The following TRIM37 variants were observed in gnomAD, a reference collection of about 807,000 sequenced individuals.
TRIM37 encodes tripartite motif containing 37, also known as E3 ubiquitin-protein ligase TRIM37.
In TRIM37, 80 loss-of-function variants were observed where a neutral mutation model predicts 129.8. The ratio of observed to expected loss-of-function variants is 0.62; its 90% CI spans 0.51 to 0.74. The LOEUF (loss-of-function observed/expected upper bound fraction) is 0.74. Among genes scored for constraint, TRIM37 ranks in the 30% least tolerant of loss-of-function variants. TRIM37 has a pLI of 0.00. For missense variants in TRIM37, 1,054 were observed against 1,176.5 expected, an observed-to-expected ratio of 0.90 and a Z score of 1.52; for synonymous variants, 389 against 387.1, an observed-to-expected ratio of 1.00 and a Z score of -0.06.
intron 11 of TRIM37, 102 bp from the exon 12 acceptor site, chr17:59,061,210 C>T (rs768166881): frequency 2.3e-6 from 2 of 862,090 alleles, no homozygotes; most frequent in Non-Finnish European, 3.8e-6. Flanking sequence ...TTCTAAGCCT[C>T]AAAGCAATGG....
chr17:58,969,650 C>T, the TRIM37 span: 8 of 1,613,994 alleles, frequency 5.0e-6, no homozygotes, highest in African/African-American at 1.1e-4. Context: ...GGAGATGTTC[C>T]CCCATGATCC....
intron 2 of TRIM37, among the ~76,000 whole-genome samples, chr17:59,103,398 C>A (rs533127824): frequency 3.0e-4 from 45 of 150,432 alleles, no homozygotes; most frequent in African/African-American, 9.8e-4. Context: ...CTGGAGTGCA[C>A]TGGCATGATC....
intron 2 of TRIM37, among the ~76,000 whole-genome samples, chr17:59,100,247 G>A (rs1042789840): frequency 2.0e-5 from 3 of 151,970 alleles, no homozygotes; most frequent in Non-Finnish European, 4.4e-5. Flanking sequence ...ATCTCTATCC[G>A]TTCCATTACT....
intron 4 of TRIM37, among the ~76,000 whole-genome samples, chr17:59,085,250 C>T (rs371113938): frequency 1.6e-4 from 25 of 151,978 alleles, no homozygotes; most frequent in African/African-American, 4.3e-4. Context: ...CGCTTGAACC[C>T]GGGAGGCAGA....
In TRIM37 at chr17:59,045,468, T is replaced by A. The variant is rs2039685503; in HGVS notation, c.1667+2215A>T. ...GCCTGGCCAACGCAGTGAAACCTCG[T>A]CTCTACTAAAAATACAAAAAATTAG... On this transcript the variant is annotated intron_variant, in intron 16 of 23. Transcript: ENST00000262294. Among the ~76,000 whole-genome samples the A allele has an allele frequency of 2.7e-5, 4 of 150,106 alleles. 1 individual carries two copies. In the South Asian group the frequency reaches 8.4e-4, roughly 32 times the overall value.
chr17:59,049,259 T>C lies in TRIM37; in HGVS notation c.1449A>G (p.Glu483=), dbSNP rs1723283669. The part of the protein sequence containing the change: ...KKSACSDMLL[E]GGPTTASVRE... ...TTACAGAAGCTGTAGTAGGACCACCTTCGAGAAGCATGTCAGAGCATGCAG... is the reference window on the plus strand; with the variant it reads ...TTACAGAAGCTGTAGTAGGACCACCCTCGAGAAGCATGTCAGAGCATGCAG... The change falls in exon 15 of 24, where the codon GAA becomes GAG. Residue 483 remains glutamate (E), a synonymous_variant. Coordinates refer to ENST00000262294, the MANE Select transcript of TRIM37 (RefSeq NM_015294.6). 1 of 1,614,056 alleles carries C rather than the reference T, an allele frequency of 6.2e-7. No homozygotes were observed. The highest frequency in any genetic ancestry group is 8.5e-7 in the Non-Finnish European group (1 of 1,180,036).
In TRIM37 at chr17:58,999,136, G is replaced by A; in HGVS notation, c.*241C>T. On this transcript the variant is annotated 3_prime_UTR_variant, in exon 24 of 24. Coordinates refer to ENST00000262294, the MANE Select transcript of TRIM37 (RefSeq NM_015294.6). ...TGTACAAATTTGCTAAATTAATAGAGAACTACATTGTTATTTCCTTACATT... is the reference window on the plus strand; with the variant it reads ...TGTACAAATTTGCTAAATTAATAGAAAACTACATTGTTATTTCCTTACATT... 1 of 1,331,066 alleles carries A rather than the reference G, an allele frequency of 7.5e-7. No homozygotes were observed. Among genetic ancestry groups the A allele is most frequent in the African/African-American group, 1.5e-5 (1 of 67,084 alleles). The allele number at this position is 1,331,066 out of a possible 1,614,324, so 82.5% of individuals were successfully genotyped here.
intron 8 of TRIM37, 87 bp from the exon 9 acceptor site, chr17:59,071,034 TTA>T: frequency 6.9e-7 from 1 of 1,458,942 alleles, no homozygotes; most frequent in Non-Finnish European, 9.4e-7. Flanking sequence ...ATTATTCTGA[TTA>T]TAAACTGAAA....
chr17:59,037,998 G>T (rs1289416570), intron 17 of TRIM37, among the ~76,000 whole-genome samples: 1 of 152,096 alleles, frequency 6.6e-6, no homozygotes, highest in African/African-American at 2.4e-5. Context: ...TTTTTAGGGG[G>T]AAGATACTAC....
intron 2 of TRIM37, among the ~76,000 whole-genome samples, chr17:59,096,870 A>C (rs946276972): frequency 2.8e-4 from 43 of 152,288 alleles, no homozygotes; most frequent in African/African-American, 1.0e-3. Flanking sequence ...TGTGCTAGGG[A>C]AATCCTCAAC....
downstream of TRIM37, chr17:58,980,386 C>A (rs1208256378): frequency 6.2e-7 from 1 of 1,614,138 alleles, no homozygotes; most frequent in South Asian, 1.1e-5. The surrounding 1 kb of genome is among the most constrained non-coding windows in gnomAD (Gnocchi z 4.7). Context: ...CCGACCTAGG[C>A]TATGATGGGC....
intron 12 of TRIM37, 96 bp downstream of exon 12, chr17:59,060,936 C>T: frequency 1.2e-6 from 1 of 825,822 alleles, no homozygotes; most frequent in South Asian, 1.4e-5. Context: ...ACAGACATAC[C>T]AATACAGTAA....
At position 59,068,004 on chromosome 17, in the gene TRIM37, T is replaced by C. The variant is rs572330171; in HGVS notation, c.809+2819A>G. Among the ~76,000 whole-genome samples, 12 of 152,352 alleles carry C rather than the reference T, an allele frequency of 7.9e-5. No homozygotes were observed. The South Asian group carries it at 2.5e-3, about 32-fold the overall frequency. On this transcript the variant is annotated intron_variant, in intron 9 of 23. Coordinates refer to ENST00000262294, the MANE Select transcript of TRIM37 (RefSeq NM_015294.6). Reference sequence around the variant, plus strand: ...CTAAAGGCAATAGAAACACCACTGCTTTGCATATCTAAAGTTTCATGTGTA... The same window carrying C: ...CTAAAGGCAATAGAAACACCACTGCCTTGCATATCTAAAGTTTCATGTGTA...
At chr17:59,010,446 T>C (rs1023170692) in intron 22 of TRIM37, among the ~76,000 whole-genome samples, 1 of 152,188 alleles carries the variant, frequency 6.6e-6, no homozygotes, top group South Asian at 2.1e-4. Flanking sequence ...AAATGCAACA[T>C]CCGGTAAATT....
chr17:58,980,324 A>G, downstream of TRIM37: 2 of 1,614,078 alleles, frequency 1.2e-6, no homozygotes, highest in Non-Finnish European at 1.7e-6. The surrounding 1 kb of genome is among the most constrained non-coding windows in gnomAD (Gnocchi z 4.7). Context: ...TGATAAGGAG[A>G]ATCATGGAGA....
At chr17:59,042,556 A>C (rs2039367151) in intron 16 of TRIM37, among the ~76,000 whole-genome samples, 1 of 150,054 alleles carries the variant, frequency 6.7e-6, no homozygotes, top group South Asian at 2.1e-4. Context: ...TGAGGTCAGG[A>C]TTTCGAGACC....
intron 5 of TRIM37, among the ~76,000 whole-genome samples, chr17:59,082,684 G>A (rs1316805133): frequency 6.6e-6 from 1 of 152,082 alleles, no homozygotes; most frequent in Admixed American, 6.6e-5. Context: ...AAATAATTTT[G>A]ATTTGTAACC....
At chr17:58,980,984 CATG>C (rs1357591298), downstream of TRIM37, 1 of 1,613,566 alleles carries the variant, frequency 6.2e-7, no homozygotes, top group African/African-American at 1.3e-5. The surrounding 1 kb of genome is among the most constrained non-coding windows in gnomAD (Gnocchi z 4.7). Flanking sequence ...CAGAAAGACT[CATG>C]ATATTCCATG....
chr17:59,019,240 A>C (rs2036294067), intron 19 of TRIM37, among the ~76,000 whole-genome samples: 2 of 152,242 alleles, frequency 1.3e-5, no homozygotes, highest in South Asian at 4.1e-4. Flanking sequence ...CAAAAAGTAA[A>C]AACAACCCAA....
Sources: allele counts gnomAD v4.1 joint callset (sites outside exome capture counted in the v4.1 genomes callset), GRCh38; gene constraint gnomAD v4.1.1; non-coding constraint Gnocchi (gnomAD v3.1); transcripts MANE v1.5; gene names NCBI Gene and HGNC (gene_info 2026-07-23, HGNC 2026-07-21).